The following SLC35F4 variants were observed in gnomAD, a reference collection of about 807,000 sequenced individuals.
SLC35F4 encodes the protein solute carrier family 35 member F4.
Under a neutral mutation model 44.2 loss-of-function variants are expected in SLC35F4, and 24 were observed. The ratio of observed to expected loss-of-function variants is 0.54; its 90% CI spans 0.39 to 0.76. The LOEUF (loss-of-function observed/expected upper bound fraction) is 0.76, where lower values mean the gene tolerates loss of function less well. Among genes scored for constraint, SLC35F4 ranks in the 30% least tolerant of loss-of-function variants. The pLI, the probability that SLC35F4 is intolerant of heterozygous loss-of-function variation, is 0.00. For synonymous variants in SLC35F4, 238 were observed against 223.6 expected, an observed-to-expected ratio of 1.06 and a Z score of -0.57; for missense variants, 562 against 586.1, an observed-to-expected ratio of 0.96 and a Z score of 0.42.
intron 1 of SLC35F4, among the ~76,000 whole-genome samples, chr14:57,952,599 T>C (rs1890161323): frequency 6.6e-6 from 1 of 151,764 alleles, no homozygotes; most frequent in Admixed American, 6.6e-5. Context: ...ATAAATGACC[T>C]GACGGAGCTG....
chr14:57,592,141 G>A (rs2070229720), intron 2 of SLC35F4, among the ~76,000 whole-genome samples: 1 of 152,186 alleles, frequency 6.6e-6, no homozygotes, highest in South Asian at 2.1e-4. Context: ...TGTTTTACCA[G>A]GATTCTATCC....
intron 1 of SLC35F4, among the ~76,000 whole-genome samples, chr14:57,966,727 A>G (rs1019147036): frequency 6.6e-6 from 1 of 152,214 alleles, no homozygotes; most frequent in African/African-American, 2.4e-5. Context: ...TGAAATACAT[A>G]GGCTAGGTGC....
At chr14:57,787,029 A>G (rs769795205) in intron 1 of SLC35F4, among the ~76,000 whole-genome samples, 3 of 152,200 alleles carry the variant, frequency 2.0e-5, no homozygotes, top group Non-Finnish European at 4.4e-5. Flanking sequence ...ACAAGAAGTG[A>G]AGGGAGAAAT....
intron 1 of SLC35F4, among the ~76,000 whole-genome samples, chr14:57,853,315 A>G (rs2140990616): frequency 6.6e-6 from 1 of 152,328 alleles, no homozygotes; most frequent in East Asian, 1.9e-4. Flanking sequence ...AAGGGCTCTC[A>G]GGGCCAGAAG....
intron 1 of SLC35F4, among the ~76,000 whole-genome samples, chr14:57,804,985 GA>G (rs1430941106): frequency 1.3e-5 from 2 of 152,048 alleles, no homozygotes; most frequent in Non-Finnish European, 2.9e-5. Flanking sequence ...CTTCTCAAAA[GA>G]AGACATACAG....
intron 1 of SLC35F4, among the ~76,000 whole-genome samples, chr14:57,921,972 TG>T (rs1889453051): frequency 1.3e-5 from 2 of 152,308 alleles, no homozygotes; most frequent in South Asian, 4.1e-4. Flanking sequence ...CCCAGTGTTT[TG>T]GGGTTGGAGT....
At chr14:57,896,184 A>T (rs1256565114) in intron 1 of SLC35F4, among the ~76,000 whole-genome samples, 1 of 152,158 alleles carries the variant, frequency 6.6e-6, no homozygotes, top group African/African-American at 2.4e-5. Flanking sequence ...CAGTAGGCCA[A>T]TTAAGGAGCT....
At chr14:57,900,536 A>T (rs1888978078) in intron 1 of SLC35F4, among the ~76,000 whole-genome samples, 1 of 152,224 alleles carries the variant, frequency 6.6e-6, no homozygotes, top group African/African-American at 2.4e-5. Flanking sequence ...CACACAGAAA[A>T]ACATTGGCTA....
intron 1 of SLC35F4, among the ~76,000 whole-genome samples, chr14:57,752,209 T>A (rs887473618): frequency 2.6e-5 from 4 of 152,334 alleles, no homozygotes; most frequent in African/African-American, 9.6e-5. Context: ...TACATTTTAA[T>A]GTTTGTGGTT....
chr14:57,708,122 A>C (rs1379558402), intron 1 of SLC35F4, among the ~76,000 whole-genome samples: 1 of 152,184 alleles, frequency 6.6e-6, no homozygotes, highest in Non-Finnish European at 1.5e-5. Context: ...GACTATTGTA[A>C]AACCTAAGAT....
At chr14:57,848,488 C>A (rs1886229900) in intron 1 of SLC35F4, among the ~76,000 whole-genome samples, 1 of 152,102 alleles carries the variant, frequency 6.6e-6, no homozygotes, top group Non-Finnish European at 1.5e-5. Flanking sequence ...CTTCTATGAG[C>A]CAAGGGAGCA....
At chr14:57,647,404 T>C (rs1297398192) in intron 1 of SLC35F4, among the ~76,000 whole-genome samples, 1 of 152,172 alleles carries the variant, frequency 6.6e-6, no homozygotes, top group East Asian at 1.9e-4. Context: ...TTTTGATCTT[T>C]GTTGGTTTGA....
At chr14:57,731,739 C>A (rs947157357) in intron 1 of SLC35F4, among the ~76,000 whole-genome samples, 16 of 152,116 alleles carry the variant, frequency 1.1e-4, no homozygotes, top group African/African-American at 3.4e-4. Context: ...AACCTGAAAC[C>A]TTTTGGAGGA....
At chr14:57,956,795 A>G (rs1007443218) in intron 1 of SLC35F4, among the ~76,000 whole-genome samples, 4 of 152,178 alleles carry the variant, frequency 2.6e-5, no homozygotes, top group Admixed American at 2.6e-4. Context: ...GAAACAACAG[A>G]TGCTGGAGAG....
At chr14:57,718,492 T>A (rs1187218947) in intron 1 of SLC35F4, among the ~76,000 whole-genome samples, 4 of 152,214 alleles carry the variant, frequency 2.6e-5, no homozygotes, top group Non-Finnish European at 5.9e-5. Flanking sequence ...TTTATCCACA[T>A]CCTTATTAGC....
intron 4 of SLC35F4, chr14:57,579,493 A>G (rs2069081017): frequency 6.6e-6 from 1 of 152,102 alleles, no homozygotes; most frequent in Non-Finnish European, 1.5e-5. Context: ...CTTTAATACA[A>G]CGGATTTTAT....
At chr14:57,867,796 G>A (rs984553604), upstream of SLC35F4, among the ~76,000 whole-genome samples, 1 of 151,880 alleles carries the variant, frequency 6.6e-6, no homozygotes, top group African/African-American at 2.4e-5. Context: ...TTTGATAATA[G>A]CCATCATAAT....
chr14:57,831,401 T>C (rs1459904840), intron 1 of SLC35F4, among the ~76,000 whole-genome samples: 2 of 152,114 alleles, frequency 1.3e-5, no homozygotes, highest in African/African-American at 4.8e-5. Flanking sequence ...TATTTTGTGA[T>C]AGCAGCCCAA....
intron 3 of SLC35F4, among the ~76,000 whole-genome samples, chr14:57,581,981 T>C (rs1276210200): frequency 6.6e-6 from 1 of 152,160 alleles, no homozygotes; most frequent in Non-Finnish European, 1.5e-5. Flanking sequence ...GGCAGAAAAA[T>C]GAAGTCCCTG....
Sources: allele counts gnomAD v4.1 joint callset (sites outside exome capture counted in the v4.1 genomes callset), GRCh38; gene constraint gnomAD v4.1.1; transcripts MANE v1.5; gene names NCBI Gene and HGNC (gene_info 2026-07-23, HGNC 2026-07-21).